The following PPARGC1B variants were observed in gnomAD, a reference collection of about 807,000 sequenced individuals.
PPARGC1B encodes the protein peroxisome proliferator-activated receptor gamma coactivator 1-beta.
Under a neutral mutation model 101.6 loss-of-function variants are expected in PPARGC1B, and 34 were observed. The observed-to-expected ratio is 0.33, with a 90% confidence interval of 0.25 to 0.45. The LOEUF (loss-of-function observed/expected upper bound fraction) is 0.45. Ranked by LOEUF, PPARGC1B falls within the 20% of genes least tolerant of loss-of-function variation. The pLI is 1.00. For missense variants in PPARGC1B, 1,234 were observed against 1,317.6 expected, an observed-to-expected ratio of 0.94 and a Z score of 0.98; for synonymous variants, 548 against 539.3, an observed-to-expected ratio of 1.02 and a Z score of -0.22.
intron 1 of PPARGC1B, among the ~76,000 whole-genome samples, chr5:149,731,710 G>A (rs1025482176): frequency 5.3e-5 from 8 of 152,226 alleles, no homozygotes; most frequent in Non-Finnish European, 8.8e-5. Context: ...TCATGGGACC[G>A]GGTGGGCGGG....
intron 1 of PPARGC1B, among the ~76,000 whole-genome samples, chr5:149,814,147 A>G (rs940570270): frequency 2.6e-5 from 4 of 152,080 alleles, no homozygotes. Context: ...GATTGTTTTT[A>G]TTATCCCCAT....
chr5:149,751,787 G>A (rs760569435), intron 1 of PPARGC1B, among the ~76,000 whole-genome samples: 24 of 151,890 alleles, frequency 1.6e-4, no homozygotes, highest in Non-Finnish European at 3.1e-4. Flanking sequence ...GAAAATAAAG[G>A]TAACATTGTA....
At position 149,851,609 on chromosome 5, in the gene PPARGC1B, A is replaced by G. The variant is rs1189027356; in HGVS notation, c.*4051A>G. On this transcript the variant is annotated 3_prime_UTR_variant, in exon 12 of 12. Transcript: ENST00000309241. ...TGAATGTCATGGTTTCCCTGGCCAA[A>G]GAAGAGGGACCCTGTCATCCTTACC... 1 of 152,098 alleles carries G rather than the reference A, an allele frequency of 6.6e-6. No homozygotes were observed. The highest frequency in any genetic ancestry group is 1.9e-4 in the East Asian group (1 of 5,174). 9.4% of individuals were successfully genotyped at this position (152,098 alleles called of 1,614,324 possible). A position where few individuals can be genotyped will look rare whatever the true frequency, so the allele number is the denominator to read the frequency against.
chr5:149,775,004 A>C (rs1756299443), intron 1 of PPARGC1B, among the ~76,000 whole-genome samples: 1 of 152,184 alleles, frequency 6.6e-6, no homozygotes, highest in African/African-American at 2.4e-5. Context: ...CACAGCAGGC[A>C]GGGGAAACTG....
intron 1 of PPARGC1B, among the ~76,000 whole-genome samples, chr5:149,776,625 C>T (rs1581040079): frequency 1.3e-5 from 2 of 152,082 alleles, no homozygotes; most frequent in African/African-American, 2.4e-5. Flanking sequence ...TTGGGTGGGT[C>T]GTTGGTGTCA....
At position 149,832,464 on chromosome 5, in the gene PPARGC1B, C is replaced by A. The variant is rs1413884634; in HGVS notation, c.583-192C>A. On this transcript the variant is annotated intron_variant, in intron 4 of 11. Transcript: ENST00000309241. The surrounding 1 kb of genome is among the most constrained non-coding windows in gnomAD (Gnocchi z 4.9). ...GAGAGCTGTTAGGAGGCTGGTCTTT[C>A]CTTCATTCCTCATCCACTGAGCACA... Among the ~76,000 whole-genome samples the A allele has an allele frequency of 2.0e-5, 3 of 152,160 alleles. No homozygotes were observed. Among genetic ancestry groups the A allele is most frequent in the African/African-American group, 7.2e-5 (3 of 41,438 alleles).
intron 3 of PPARGC1B, among the ~76,000 whole-genome samples, chr5:149,827,852 C>G (rs1758591600): frequency 6.6e-6 from 1 of 152,226 alleles, no homozygotes; most frequent in Non-Finnish European, 1.5e-5. Flanking sequence ...GGGCTGAGAG[C>G]ACCCATAGCT....
At chr5:149,772,499 C>T (rs60674979) in intron 1 of PPARGC1B, among the ~76,000 whole-genome samples, 3,737 of 152,196 alleles carry the variant, frequency 0.025, 141 homozygotes, top group African/African-American at 0.084. Flanking sequence ...GATTTTCTCA[C>T]AATTCTGAAG....
At chr5:149,806,837 C>G (rs1757618813) in intron 1 of PPARGC1B, among the ~76,000 whole-genome samples, 1 of 152,060 alleles carries the variant, frequency 6.6e-6, no homozygotes, top group Admixed American at 6.5e-5. Flanking sequence ...GAACTCCTGT[C>G]CTCAGGCCGT....
intron 1 of PPARGC1B, among the ~76,000 whole-genome samples, chr5:149,748,443 C>T (rs1417339405): frequency 2.0e-5 from 3 of 151,996 alleles, no homozygotes; most frequent in Non-Finnish European, 4.4e-5. Flanking sequence ...TTACCAGTGA[C>T]CAGATGGTTT....
chr5:149,853,678 T>G lies in PPARGC1B; in HGVS notation c.*6120T>G, dbSNP rs889055788. 9 of 152,404 alleles carry G rather than the reference T, an allele frequency of 5.9e-5. No individual in the cohort carries two copies. Among genetic ancestry groups the G allele is most frequent in the African/African-American group, 2.2e-4 (9 of 41,602 alleles). The allele number at this position is 152,404 out of a possible 1,614,324, so 9.4% of individuals were successfully genotyped here. ...TTTTTGTTTCTGTATTTTGTATTTT[T>G]AAAATCTTGTCAAATGTTTTTGTGT... is the stretch of plus-strand genomic sequence containing the variant. On this transcript the variant is annotated 3_prime_UTR_variant, in exon 12 of 12. Transcript: ENST00000309241. This position sits in a 1 kb window ranked among gnomAD's most constrained non-coding sequence, Gnocchi z 4.2.
chr5:149,798,980 T>A (rs60132983), intron 1 of PPARGC1B, among the ~76,000 whole-genome samples: 7,409 of 152,086 alleles, frequency 0.049, 571 homozygotes, highest in African/African-American at 0.17. Flanking sequence ...GGCAGAGACC[T>A]CCTTGCTGCC....
chr5:149,801,276 C>T (rs1757421604), intron 1 of PPARGC1B, among the ~76,000 whole-genome samples: 1 of 152,188 alleles, frequency 6.6e-6, no homozygotes, highest in Non-Finnish European at 1.5e-5. Context: ...TGCTCAGCTC[C>T]AGAAGCCTCT....
chr5:149,783,419 A>G (rs1467342345), intron 1 of PPARGC1B, among the ~76,000 whole-genome samples: 1 of 152,178 alleles, frequency 6.6e-6, no homozygotes, highest in East Asian at 1.9e-4. Flanking sequence ...TTGGGTCCTT[A>G]GTTCCTCATC....
intron 7 of PPARGC1B, 74 bp downstream of exon 7, chr5:149,835,439 T>G: frequency 7.5e-7 from 1 of 1,341,960 alleles, no homozygotes; most frequent in Non-Finnish European, 1.1e-6. Flanking sequence ...TCATCATGCA[T>G]GGGCAAGGTG....
chr5:149,795,150 C>T (rs538458178), intron 1 of PPARGC1B, among the ~76,000 whole-genome samples: 319 of 152,358 alleles, frequency 2.1e-3, no homozygotes, highest in African/African-American at 7.5e-3. Context: ...GCCTCCCTTG[C>T]AGCAGCTCTG....
At chr5:149,797,422 T>G (rs1003675602) in intron 1 of PPARGC1B, among the ~76,000 whole-genome samples, 6 of 152,274 alleles carry the variant, frequency 3.9e-5, no homozygotes, top group African/African-American at 1.4e-4. Context: ...TCACAGATAT[T>G]TGTATATCAC....
At chr5:149,784,560 C>CTTTTTTTCTTTTTTTTTT (rs1204928127) in intron 1 of PPARGC1B, among the ~76,000 whole-genome samples, 10 of 75,704 alleles carry the variant, frequency 1.3e-4, no homozygotes, top group African/African-American at 5.7e-4. Flanking sequence ...AACTGAGTTT[C>CTTTTTTTCTTTTTTTTTT]TTTTTTTTTT....
At chr5:149,799,043 C>T (rs1757332822) in intron 1 of PPARGC1B, among the ~76,000 whole-genome samples, 1 of 139,424 alleles carries the variant, frequency 7.2e-6, no homozygotes, top group Non-Finnish European at 1.6e-5. Context: ...CAAGTGTGAC[C>T]TGGTGGTCCA....
Sources: gnomAD v4.1 joint callset for allele counts (sites outside exome capture counted in the v4.1 genomes callset) on GRCh38, gnomAD v4.1.1 for gene constraint, Gnocchi (gnomAD v3.1) non-coding constraint, MANE v1.5 for transcripts, NCBI Gene and HGNC (gene_info 2026-07-23, HGNC 2026-07-21) for gene names.